Variants in VAT1L observed in about 807,000 individuals in gnomAD.
VAT1L encodes the protein putative NADPH-dependent quinone oxidoreductase VAT1L.
A neutral mutation model predicts 44.1 loss-of-function variants in VAT1L; 34 were observed. The observed-to-expected ratio is 0.77, with a 90% confidence interval of 0.59 to 1.03. The LOEUF is 1.03. VAT1L is among the 50% of genes least tolerant of loss of function. The probability of loss-of-function intolerance (pLI) is 0.00; values close to 1 mark genes in which losing one functional copy is unlikely to be tolerated. For missense variants in VAT1L, 615 were observed against 538.8 expected, an observed-to-expected ratio of 1.14 and a Z score of -1.40; for synonymous variants, 253 against 202.2, an observed-to-expected ratio of 1.25 and a Z score of -2.13.
At chr16:77,794,694 T>C (rs569280405) in intron 1 of VAT1L, among the ~76,000 whole-genome samples, 4 of 152,300 alleles carry the variant, frequency 2.6e-5, no homozygotes, top group Admixed American at 2.6e-4. Context: ...GGGTTTCTAA[T>C]GCCAAGCCAG....
At chr16:77,949,073 G>A (rs141492447) in intron 7 of VAT1L, among the ~76,000 whole-genome samples, 5 of 152,340 alleles carry the variant, frequency 3.3e-5, no homozygotes, top group African/African-American at 1.2e-4. Context: ...GACTGTGGCA[G>A]CAGGATGGGG....
intron 7 of VAT1L, among the ~76,000 whole-genome samples, chr16:77,954,243 A>T (rs1005087602): frequency 6.6e-6 from 1 of 152,200 alleles, no homozygotes; most frequent in African/African-American, 2.4e-5. Context: ...CCTGGAGTGA[A>T]AAGGGTTGTA....
chr16:77,832,168 G>C (rs1471487197), intron 3 of VAT1L, among the ~76,000 whole-genome samples: 2 of 151,860 alleles, frequency 1.3e-5, no homozygotes, highest in Non-Finnish European at 2.9e-5. Context: ...CCATAGCAAT[G>C]TCAGGTGTTG....
intron 1 of VAT1L, among the ~76,000 whole-genome samples, chr16:77,799,527 GT>G (rs2016005687): frequency 2.7e-5 from 4 of 149,272 alleles, no homozygotes; most frequent in African/African-American, 9.8e-5. Context: ...GTGTGTGTGT[GT>G]GTGTGTGTGT....
At chr16:77,907,341 G>A (rs1389839018) in intron 7 of VAT1L, among the ~76,000 whole-genome samples, 2 of 152,198 alleles carry the variant, frequency 1.3e-5, no homozygotes, top group African/African-American at 4.8e-5. Context: ...CTGGTCTCCT[G>A]TGTGCAGAAA....
At chr16:77,917,488 A>G (rs1191922483) in intron 7 of VAT1L, among the ~76,000 whole-genome samples, 2 of 152,236 alleles carry the variant, frequency 1.3e-5, no homozygotes, top group Admixed American at 6.5e-5. Context: ...TTCAGTCCCA[A>G]TGATTCCTGT....
intron 4 of VAT1L, among the ~76,000 whole-genome samples, chr16:77,872,278 G>A (rs1037195996): frequency 1.3e-5 from 2 of 152,118 alleles, no homozygotes; most frequent in Non-Finnish European, 2.9e-5. Context: ...GATTGTGATA[G>A]CCATTCTTAG....
intron 7 of VAT1L, among the ~76,000 whole-genome samples, chr16:77,955,719 T>TCC (rs869219858): frequency 1.4e-5 from 1 of 73,554 alleles, no homozygotes; most frequent in Non-Finnish European, 2.6e-5. Context: ...AGGCTCCATA[T>TCC]CCCCCCCCCC....
chr16:77,851,941 C>T (rs778989656), intron 3 of VAT1L, among the ~76,000 whole-genome samples: 1 of 152,084 alleles, frequency 6.6e-6, no homozygotes, highest in African/African-American at 2.4e-5. Context: ...ATTTGAGGGG[C>T]GTAAGCTACA....
intron 3 of VAT1L, among the ~76,000 whole-genome samples, chr16:77,836,955 A>C (rs1030598787): frequency 6.6e-6 from 1 of 152,206 alleles, no homozygotes; most frequent in Non-Finnish European, 1.5e-5. Context: ...TGTCTATAAG[A>C]TACTATCGCA....
chr16:77,894,830 A>G (rs2017305138), intron 7 of VAT1L, among the ~76,000 whole-genome samples: 1 of 152,238 alleles, frequency 6.6e-6, no homozygotes, highest in South Asian at 2.1e-4. Context: ...TGCTGGGATC[A>G]GGAGAACTTG....
chr16:77,788,760 G>GGGCGGC lies in VAT1L; in HGVS notation c.86_91dup (p.Gly29_Gly30dup), dbSNP rs1303161277. On this transcript the variant is annotated inframe_insertion, in exon 1 of 9. Coordinates refer to ENST00000302536, the MANE Select transcript of VAT1L (RefSeq NM_020927.3). ...AGGAGGCAGGCAAGGAGCCGGCGGA[G>GGGCGGC]GGCGGCGGCGGCGACGGCTCGCACC... is the stretch of plus-strand genomic sequence containing the variant. 6 of 1,562,188 alleles carry GGGCGGC rather than the reference G, an allele frequency of 3.8e-6. No individual in the cohort carries two copies. The highest frequency in any genetic ancestry group is 1.4e-5 in the African/African-American group (1 of 74,014).
intron 7 of VAT1L, among the ~76,000 whole-genome samples, chr16:77,896,610 G>A (rs540486496): frequency 6.6e-5 from 10 of 152,338 alleles, no homozygotes; most frequent in African/African-American, 2.4e-4. Context: ...CAAGGGAGGA[G>A]AACACAGGAT....
chr16:77,958,693 T>C (rs961143717), intron 7 of VAT1L, among the ~76,000 whole-genome samples: 4 of 152,238 alleles, frequency 2.6e-5, no homozygotes, highest in Non-Finnish European at 5.9e-5. Flanking sequence ...AATGTTTAAT[T>C]CATATGAACC....
chr16:77,806,461 G>C (rs916006153), intron 1 of VAT1L, among the ~76,000 whole-genome samples: 1 of 148,828 alleles, frequency 6.7e-6, no homozygotes, highest in African/African-American at 2.5e-5. Flanking sequence ...TGCCCACCTC[G>C]GCCTCCCAAA....
chr16:77,969,617 C>T (rs966865419), intron 7 of VAT1L, among the ~76,000 whole-genome samples: 3 of 151,960 alleles, frequency 2.0e-5, no homozygotes, highest in African/African-American at 4.8e-5. Flanking sequence ...ATGGAAGTCA[C>T]GGTCCTTTAT....
intron 7 of VAT1L, among the ~76,000 whole-genome samples, chr16:77,912,610 C>T (rs548595412): frequency 6.6e-6 from 1 of 152,112 alleles, no homozygotes; most frequent in South Asian, 2.1e-4. Context: ...TTAAACATAG[C>T]ATCCAATTTC....
chr16:77,919,450 G>A (rs908653340), intron 7 of VAT1L, among the ~76,000 whole-genome samples: 1 of 152,206 alleles, frequency 6.6e-6, no homozygotes, highest in African/African-American at 2.4e-5. Flanking sequence ...TTAATTAGAG[G>A]TAGAGATACA....
At chr16:77,927,522 C>G (rs1050536534) in intron 7 of VAT1L, among the ~76,000 whole-genome samples, 2 of 152,086 alleles carry the variant, frequency 1.3e-5, no homozygotes, top group African/African-American at 4.8e-5. Flanking sequence ...ATCCTATGGC[C>G]ACCCTAGGTA....
Sources: gnomAD v4.1 joint callset for allele counts (sites outside exome capture counted in the v4.1 genomes callset) on GRCh38, gnomAD v4.1.1 for gene constraint, MANE v1.5 for transcripts, NCBI Gene and HGNC (gene_info 2026-07-23, HGNC 2026-07-21) for gene names.